Variants in SPRR2B observed in about 807,000 individuals in gnomAD.
The protein encoded by SPRR2B is small proline-rich protein 2B.
In SPRR2B, 1 loss-of-function variant was observed where a neutral mutation model predicts 1.0. The observed-to-expected ratio is 1.01, with a 90% CI of 0.36 to 4.77. The LOEUF (loss-of-function observed/expected upper bound fraction) is 4.77, where lower values mean the gene tolerates loss of function less well. SPRR2B is among the 30% of genes most tolerant of loss of function. SPRR2B has a pLI of 0.16. For missense variants in SPRR2B, 53 were observed against 88.7 expected, an observed-to-expected ratio of 0.60 and a Z score of 1.62; for synonymous variants, 27 against 33.4, an observed-to-expected ratio of 0.81 and a Z score of 0.66.
At chr1:153,071,255 G>A (rs1654659542) in intron 1 of SPRR2B, among the ~76,000 whole-genome samples, 1 of 149,754 alleles carries the variant, frequency 6.7e-6, no homozygotes, top group South Asian at 2.1e-4. Flanking sequence ...TCAGGAAGAA[G>A]TGCTGGCTCT....
the SPRR2B span, among the ~76,000 whole-genome samples, chr1:153,086,040 T>C: frequency 6.6e-6 from 1 of 152,156 alleles, no homozygotes; most frequent in African/African-American, 2.4e-5. Flanking sequence ...GAGCACTAAA[T>C]ATAGAAAGGA....
At chr1:153,079,060 T>A in the SPRR2B span, among the ~76,000 whole-genome samples, 1 of 152,212 alleles carries the variant, frequency 6.6e-6, no homozygotes, top group South Asian at 2.1e-4. Flanking sequence ...CCATTCTAAT[T>A]GGTGTGAGAT....
chr1:153,078,069 T>C, the SPRR2B span, among the ~76,000 whole-genome samples: 2 of 152,170 alleles, frequency 1.3e-5, no homozygotes, highest in Admixed American at 1.3e-4. Flanking sequence ...AGAAGACCTT[T>C]CTCATCAGTA....
At chr1:153,080,318 C>T in the SPRR2B span, among the ~76,000 whole-genome samples, 106 of 152,042 alleles carry the variant, frequency 7.0e-4, 1 homozygote, top group African/African-American at 2.5e-3. Context: ...GCCAATTGGA[C>T]CAAATAGACA....
chr1:153,072,618 G>T (rs1654692418), upstream of SPRR2B, among the ~76,000 whole-genome samples: 1 of 152,126 alleles, frequency 6.6e-6, no homozygotes, highest in South Asian at 2.1e-4. Flanking sequence ...CTATATGTTT[G>T]CTTTCTCTAC....
At chr1:153,073,083 T>G (rs1654704753), upstream of SPRR2B, among the ~76,000 whole-genome samples, 1 of 152,206 alleles carries the variant, frequency 6.6e-6, no homozygotes, top group Non-Finnish European at 1.5e-5. Context: ...CAACCCAGCA[T>G]CACACCTCTC....
the SPRR2B span, among the ~76,000 whole-genome samples, chr1:153,084,398 C>A: frequency 6.6e-5 from 10 of 152,086 alleles, no homozygotes; most frequent in Non-Finnish European, 1.5e-4. Context: ...CAATGTATAC[C>A]CTTGTGCCAA....
chr1:153,084,172 C>T, the SPRR2B span, among the ~76,000 whole-genome samples: 1 of 152,170 alleles, frequency 6.6e-6, no homozygotes. Flanking sequence ...CATCTGCTCG[C>T]TCCACAAACT....
the SPRR2B span, among the ~76,000 whole-genome samples, chr1:153,080,780 C>T: frequency 6.6e-6 from 1 of 152,190 alleles, no homozygotes; most frequent in South Asian, 2.1e-4. Flanking sequence ...AGCAACACCA[C>T]ATTCAAAAAT....
upstream of SPRR2B, among the ~76,000 whole-genome samples, chr1:153,074,678 T>G (rs184442501): frequency 6.6e-6 from 1 of 152,222 alleles, no homozygotes; most frequent in African/African-American, 2.4e-5. Flanking sequence ...ATATATTAAA[T>G]GTGATTATAT....
chr1:153,071,352 A>C (rs914378546), intron 1 of SPRR2B, among the ~76,000 whole-genome samples: 14 of 152,158 alleles, frequency 9.2e-5, no homozygotes, highest in African/African-American at 3.1e-4. Context: ...TTCCAACCAA[A>C]GCTTTCCTAT....
At chr1:153,084,625 T>C in the SPRR2B span, among the ~76,000 whole-genome samples, 2 of 152,124 alleles carry the variant, frequency 1.3e-5, no homozygotes, top group South Asian at 2.1e-4. Flanking sequence ...GTGGTGAATG[T>C]CCCCACAGAG....
the SPRR2B span, among the ~76,000 whole-genome samples, chr1:153,078,222 A>G: frequency 6.6e-6 from 1 of 152,236 alleles, no homozygotes; most frequent in Non-Finnish European, 1.5e-5. Context: ...GTAATAGGAT[A>G]GAAAAAGATA....
the SPRR2B span, among the ~76,000 whole-genome samples, chr1:153,078,609 C>T: frequency 7.4e-3 from 1,120 of 151,620 alleles, 31 homozygotes; most frequent in Admixed American, 0.042. Flanking sequence ...TGAGAACATG[C>T]GGTGTTTGGT....
In SPRR2B at chr1:153,070,512, CTCCCTA is replaced by C; in HGVS notation, c.*103_*108del. The C allele has an allele frequency of 6.6e-7, 1 of 1,524,746 alleles. No individual in the cohort carries two copies. Among genetic ancestry groups the C allele is most frequent in the Non-Finnish European group, 8.8e-7 (1 of 1,134,046 alleles). 94.5% of individuals were successfully genotyped at this position (1,524,746 alleles called of 1,614,324 possible). ...AGATCACAGGCTAAGGGGAAAGAAG[CTCCCTA>C]TGAATCCATGATAAGCTTTGATGAG... On this transcript the variant is annotated 3_prime_UTR_variant, in exon 2 of 2. Transcript: ENST00000368755.
chr1:153,079,331 G>A, the SPRR2B span, among the ~76,000 whole-genome samples: 2 of 152,056 alleles, frequency 1.3e-5, no homozygotes, highest in Non-Finnish European at 2.9e-5. Flanking sequence ...TCACTCTGAT[G>A]GTAGATTCTT....
chr1:153,080,514 T>C, the SPRR2B span, among the ~76,000 whole-genome samples: 4 of 151,784 alleles, frequency 2.6e-5, no homozygotes, highest in Non-Finnish European at 5.9e-5. Flanking sequence ...AAACTTATAA[T>C]CAAATTAAAA....
At chr1:153,083,720 G>A in the SPRR2B span, among the ~76,000 whole-genome samples, 1 of 152,178 alleles carries the variant, frequency 6.6e-6, no homozygotes, top group African/African-American at 2.4e-5. Context: ...CTCCCGCCAT[G>A]GGCCTCTGGA....
the SPRR2B span, among the ~76,000 whole-genome samples, chr1:153,083,419 A>G: frequency 6.6e-6 from 1 of 152,172 alleles, no homozygotes; most frequent in Non-Finnish European, 1.5e-5. Flanking sequence ...ATGATGCACA[A>G]AAGACTCAAA....
Sources: gnomAD v4.1 joint callset for allele counts (sites outside exome capture counted in the v4.1 genomes callset) on GRCh38, gnomAD v4.1.1 for gene constraint, MANE v1.5 for transcripts, NCBI Gene and HGNC (gene_info 2026-07-23, HGNC 2026-07-21) for gene names.